Variants in MYO18B observed in about 807,000 individuals in gnomAD.
MYO18B encodes myosin XVIIIB.
A neutral mutation model predicts 273.0 loss-of-function variants in MYO18B; 204 were observed. That is an observed-to-expected ratio of 0.75 (90% CI 0.67 to 0.84). MYO18B has a LOEUF of 0.84. Ranked by LOEUF, MYO18B falls within the 40% of genes least tolerant of loss-of-function variation. The pLI is 0.00. For missense variants in MYO18B, 3,212 were observed against 3,287.6 expected (o/e 0.98, Z 0.56); for synonymous variants, 1,330 against 1,305.7 (o/e 1.02, Z -0.40).
Position 25,959,726 on chromosome 22 carries a change from C to T in MYO18B, c.6156+4362C>T, listed in dbSNP as rs1448392117. Among the ~76,000 whole-genome samples, 5 of 152,326 alleles carry T rather than the reference C, an allele frequency of 3.3e-5. No homozygotes were observed. The East Asian group carries it at 7.7e-4, about 24-fold the overall frequency. ...TTTGCAGAAGTTGTCTTCTTTAGCA[C>T]TTAATGTCAACCTCAGCAAGTGGAG... On this transcript the variant is annotated intron_variant, in intron 39 of 43. Transcript: ENST00000335473.
In MYO18B at chr22:25,972,447, C is replaced by T. The variant is rs2093045517; in HGVS notation, c.6156+17083C>T. The stretch of plus-strand genomic sequence containing the variant: ...TTTAATTCTCTTCAATTTCGTGTGA[C>T]TTATGGCTTTACTTTTCAAAATATA... On this transcript the variant is annotated intron_variant, in intron 39 of 43. Coordinates refer to ENST00000335473, the MANE Select transcript of MYO18B (RefSeq NM_032608.7). Among the ~76,000 whole-genome samples, 3 of 152,332 alleles carry T rather than the reference C, an allele frequency of 2.0e-5. No homozygotes were observed. In the South Asian group the frequency reaches 6.2e-4, roughly 32 times the overall value.
At chr22:25,966,979 G>A (rs998166935) in intron 39 of MYO18B, among the ~76,000 whole-genome samples, 20 of 152,158 alleles carry the variant, frequency 1.3e-4, no homozygotes, top group Non-Finnish European at 2.8e-4. Flanking sequence ...AGGAATAATT[G>A]GGTCTATTAC....
chr22:25,798,399 C>T (rs1040227477), intron 12 of MYO18B, among the ~76,000 whole-genome samples: 5 of 152,028 alleles, frequency 3.3e-5, no homozygotes, highest in Non-Finnish European at 5.9e-5. Flanking sequence ...TATAGTAGTG[C>T]GACTGAGGAA....
At chr22:25,947,240 A>C (rs990940379) in intron 35 of MYO18B, among the ~76,000 whole-genome samples, 10 of 152,006 alleles carry the variant, frequency 6.6e-5, no homozygotes, top group Admixed American at 2.0e-4. Context: ...TGTGCCTCCA[A>C]GTTTATTCAT....
intron 17 of MYO18B, among the ~76,000 whole-genome samples, chr22:25,840,874 C>G (rs2090063024): frequency 6.6e-6 from 1 of 152,164 alleles, no homozygotes; most frequent in South Asian, 2.1e-4. Context: ...GCCCTCAGTA[C>G]CCAAGGGAGA....
In MYO18B at chr22:25,770,992, C is replaced by T; in HGVS notation, c.1692+8C>T. 1 of 1,536,944 alleles carries T rather than the reference C, an allele frequency of 6.5e-7. No individual in the cohort carries two copies. The highest frequency in any genetic ancestry group is 8.8e-7 in the Non-Finnish European group (1 of 1,133,560). ...GAGGAGCATGTCCATCGGGTGAGTC[C>T]CCTGTCCCGCCGTCCCCCAGCATGA... On this transcript the variant is annotated splice_region_variant and intron_variant, in intron 6 of 43. Transcript: ENST00000335473.
chr22:25,931,290 G>A (rs2092496728), intron 34 of MYO18B, among the ~76,000 whole-genome samples: 1 of 152,220 alleles, frequency 6.6e-6, no homozygotes, highest in Admixed American at 6.5e-5. Context: ...TATGATGAAT[G>A]AAGTGGGAAG....
At chr22:25,948,933 G>T (rs1186326978) in intron 36 of MYO18B, among the ~76,000 whole-genome samples, 1 of 151,952 alleles carries the variant, frequency 6.6e-6, no homozygotes, top group African/African-American at 2.4e-5. Context: ...TGGGACATTG[G>T]GGATTGGGGG....
chr22:26,010,264 T>C (rs1167612605), intron 42 of MYO18B, among the ~76,000 whole-genome samples: 1 of 152,182 alleles, frequency 6.6e-6, no homozygotes, highest in African/African-American at 2.4e-5. Flanking sequence ...CCACCCTCCT[T>C]TAGTCCATCC....
chr22:25,898,272 A>T, intron 28 of MYO18B, 35 bp from the exon 29 acceptor site: 1 of 1,596,670 alleles, frequency 6.3e-7, no homozygotes, highest in Non-Finnish European at 8.5e-7. Flanking sequence ...TTCCATGCCC[A>T]CAGAGCCGGG....
At chr22:25,965,218 G>C (rs2092964481) in intron 39 of MYO18B, 2 of 152,188 alleles carry the variant, frequency 1.3e-5, no homozygotes, top group South Asian at 4.1e-4. Context: ...GTTACTTTGG[G>C]GTATATCTTC....
Position 25,835,449 on chromosome 22 carries a change from G to A in MYO18B, c.3208+6G>A, listed in dbSNP as rs537837503. 1.2e-6 allele frequency: 2 copies of A among 1,613,634 alleles called. No homozygotes were observed. The highest frequency in any genetic ancestry group is 3.3e-5 in the Admixed American group (2 of 60,022). The stretch of plus-strand genomic sequence containing the variant: ...GAAAGGAGCTGGGACTGAAGGTAAG[G>A]AAGCAGGGGGCTGGGGATGGGGCCT... On this transcript the variant is annotated splice_donor_region_variant and intron_variant, in intron 17 of 43. Coordinates refer to ENST00000335473, the MANE Select transcript of MYO18B (RefSeq NM_032608.7).
chr22:26,013,104 G>A (rs539808097), intron 42 of MYO18B, among the ~76,000 whole-genome samples: 3 of 129,212 alleles, frequency 2.3e-5, no homozygotes, highest in East Asian at 2.0e-4. Context: ...TCTTTCTTTC[G>A]ATATTTTTTC....
At chr22:25,836,777 G>A (rs1395870555) in intron 17 of MYO18B, among the ~76,000 whole-genome samples, 2 of 151,892 alleles carry the variant, frequency 1.3e-5, no homozygotes, top group South Asian at 2.1e-4. Flanking sequence ...CATGGCCAAC[G>A]TGGTGAAACC....
chr22:25,933,995 G>T (rs1002438835), intron 34 of MYO18B, among the ~76,000 whole-genome samples: 1 of 152,230 alleles, frequency 6.6e-6, no homozygotes, highest in Non-Finnish European at 1.5e-5. Flanking sequence ...ATGGCTGGCA[G>T]TTGGTATTAT....
rs2091661036 is a variant in MYO18B at position 25,891,496 on chromosome 22, T to C, written c.4543+84T>C. The C allele has an allele frequency of 1.5e-5, 13 of 891,912 alleles. No individual in the cohort carries two copies. In the South Asian group the frequency reaches 1.8e-4, roughly 13 times the overall value. 55.2% of individuals were successfully genotyped at this position (891,912 alleles called of 1,614,324 possible). On this transcript the variant is annotated intron_variant, in intron 27 of 43. Transcript: ENST00000335473. ...TATTCAGTCACTCATAGAGCACTTT[T>C]TAGGTGCTAGATATTGCATGAGGGG...
intron 33 of MYO18B, among the ~76,000 whole-genome samples, chr22:25,917,432 A>T (rs1019954177): frequency 6.6e-6 from 1 of 151,968 alleles, no homozygotes; most frequent in Admixed American, 6.6e-5. Context: ...TTCGATTCTT[A>T]CTTGGTGTCT....
In MYO18B at chr22:25,884,160, C is replaced by T. The variant is rs114009682; in HGVS notation, c.4314+6112C>T. Among the ~76,000 whole-genome samples, 6 of 152,278 alleles carry T rather than the reference C, an allele frequency of 3.9e-5. No homozygotes were observed. The East Asian group carries it at 5.8e-4, about 15-fold the overall frequency. ...AGAAATTGTGGAGACAATCCACTGACGGGGACTGCAGATGTATGTAGGTCA... is the reference window on the plus strand; with the variant it reads ...AGAAATTGTGGAGACAATCCACTGATGGGGACTGCAGATGTATGTAGGTCA... On this transcript the variant is annotated intron_variant, in intron 25 of 43. Coordinates refer to ENST00000335473, the MANE Select transcript of MYO18B (RefSeq NM_032608.7).
intron 34 of MYO18B, among the ~76,000 whole-genome samples, chr22:25,932,215 A>T (rs1007444554): frequency 2.6e-5 from 4 of 152,192 alleles, no homozygotes; most frequent in African/African-American, 9.6e-5. Flanking sequence ...TCAACTTTTA[A>T]TATTTTTCCA....
Sources: allele counts gnomAD v4.1 joint callset (sites outside exome capture counted in the v4.1 genomes callset), GRCh38; gene constraint gnomAD v4.1.1; transcripts MANE v1.5; gene names NCBI Gene and HGNC (gene_info 2026-07-23, HGNC 2026-07-21).